Variants in CSPP1 observed in about 807,000 individuals in gnomAD.
The protein encoded by CSPP1 is centrosome and spindle pole associated protein 1, also known as centrosome and spindle pole-associated protein 1.
In CSPP1, 126 loss-of-function variants were observed where a neutral mutation model predicts 164.4. The ratio of observed to expected loss-of-function variants is 0.77; its 90% CI spans 0.66 to 0.89. The LOEUF (loss-of-function observed/expected upper bound fraction) is 0.89. CSPP1 is among the 40% of genes least tolerant of loss of function. The pLI is 0.00. For missense variants in CSPP1, 1,395 were observed against 1,449.8 expected (o/e 0.96, Z 0.61); for synonymous variants, 472 against 476.7 (o/e 0.99, Z 0.13).
intron 19 of CSPP1, chr8:67,157,844 G>C (rs557281159): frequency 1.3e-5 from 2 of 152,236 alleles, no homozygotes; most frequent in Non-Finnish European, 2.9e-5. Flanking sequence ...TAGCATTCAA[G>C]ATGAAACTTA....
chr8:67,082,330 G>A (rs1346624245), intron 3 of CSPP1, among the ~76,000 whole-genome samples: 1 of 152,062 alleles, frequency 6.6e-6, no homozygotes, highest in Non-Finnish European at 1.5e-5. Context: ...GATTACAGGC[G>A]TGACCCACAG....
At position 67,110,132 on chromosome 8, in the gene CSPP1, G is replaced by GA. The variant is rs1816542008; in HGVS notation, c.1094-1839dup. Among the ~76,000 whole-genome samples the GA allele has an allele frequency of 2.6e-5, 4 of 151,526 alleles. No individual in the cohort carries two copies. The South Asian group carries it at 8.3e-4, about 32-fold the overall frequency. On this transcript the variant is annotated intron_variant, in intron 9 of 30. Transcript: ENST00000678616. ...ACAAAGAACAAAGAGCTCTGTGCTAGATCCTGTTTGCTTATCTGTCCAGGT... is the reference window on the plus strand; with the variant it reads ...ACAAAGAACAAAGAGCTCTGTGCTAGAATCCTGTTTGCTTATCTGTCCAGGT...
At chr8:67,190,373 G>A (rs988708012) in intron 28 of CSPP1, among the ~76,000 whole-genome samples, 4 of 152,164 alleles carry the variant, frequency 2.6e-5, no homozygotes, top group Admixed American at 2.6e-4. Context: ...TAAATCTGTT[G>A]AAACAGAGCC....
chr8:67,172,745 T>C (rs192586693), intron 25 of CSPP1, 190 bp downstream of exon 25: 1 of 519,524 alleles, frequency 1.9e-6, no homozygotes, highest in African/African-American at 1.9e-5. Context: ...AAGCTTTAGT[T>C]TGACTAACTG....
At chr8:67,073,109 T>C (rs1013873414) in intron 1 of CSPP1, among the ~76,000 whole-genome samples, 1 of 152,084 alleles carries the variant, frequency 6.6e-6, no homozygotes, top group Non-Finnish European at 1.5e-5. Flanking sequence ...CAAGGATGTG[T>C]AGAAATTGCA....
chr8:67,133,509 T>C (rs1563643486), intron 16 of CSPP1: 2 of 152,378 alleles, frequency 1.3e-5, no homozygotes, highest in East Asian at 3.9e-4. Context: ...GTAAACTTAA[T>C]TTAAAAATAC....
intron 28 of CSPP1, among the ~76,000 whole-genome samples, chr8:67,180,738 T>C (rs1832802527): frequency 6.6e-6 from 1 of 152,196 alleles, no homozygotes; most frequent in South Asian, 2.1e-4. Flanking sequence ...TACTATTTCT[T>C]ATACCTGTGT....
chr8:67,122,890 G>GTGTGTT (rs1251787211), intron 15 of CSPP1, among the ~76,000 whole-genome samples: 1 of 151,754 alleles, frequency 6.6e-6, no homozygotes, highest in Non-Finnish European at 1.5e-5. Flanking sequence ...GTGTGTGTGT[G>GTGTGTT]TGTGTTTGTG....
intron 7 of CSPP1, among the ~76,000 whole-genome samples, chr8:67,097,784 A>C (rs542080838): frequency 6.0e-4 from 91 of 152,010 alleles, no homozygotes; most frequent in African/African-American, 2.0e-3. Flanking sequence ...GAGAACTCTC[A>C]TATCTTCTTA....
chr8:67,106,364 A>G (rs1815531579), intron 9 of CSPP1, among the ~76,000 whole-genome samples: 1 of 151,202 alleles, frequency 6.6e-6, no homozygotes, highest in South Asian at 2.1e-4. Flanking sequence ...TTTTATTAGC[A>G]CTCTGTTGCA....
chr8:67,107,629 G>A (rs1467584378), intron 9 of CSPP1, among the ~76,000 whole-genome samples: 4 of 152,082 alleles, frequency 2.6e-5, no homozygotes, highest in Non-Finnish European at 5.9e-5. Context: ...GGAAACTTAC[G>A]ATTTCCAGAG....
chr8:67,156,720 G>A (rs945396218), intron 19 of CSPP1, among the ~76,000 whole-genome samples: 5 of 152,310 alleles, frequency 3.3e-5, no homozygotes, highest in African/African-American at 1.2e-4. Flanking sequence ...GTCTGTACAA[G>A]TAAGTTCCAC....
At position 67,175,293 on chromosome 8, in the gene CSPP1, C is replaced by T. The variant is rs1470495151; in HGVS notation, c.2969-3C>T. 1 of 1,600,394 alleles carries T rather than the reference C, an allele frequency of 6.2e-7. No individual in the cohort carries two copies. The highest frequency in any genetic ancestry group is 2.2e-5 in the East Asian group (1 of 44,754). The stretch of plus-strand genomic sequence containing the variant: ...TAGTTATATAACATATTTTTTATAC[C>T]AGATTCAGAAACACGAGTTGATCTG... On this transcript the variant is annotated splice_polypyrimidine_tract_variant and splice_region_variant and intron_variant, in intron 25 of 30. Transcript: ENST00000678616.
At chr8:67,147,083 C>T (rs1387397528) in intron 17 of CSPP1, among the ~76,000 whole-genome samples, 4 of 152,138 alleles carry the variant, frequency 2.6e-5, no homozygotes, top group Admixed American at 2.0e-4. Context: ...AATTAATTTT[C>T]TCTTAATATA....
Position 67,086,106 on chromosome 8 carries a change from C to CG in CSPP1, c.299_300insG (p.Gln101SerfsTer9). The CG allele has an allele frequency of 7.6e-7, 1 of 1,323,484 alleles. No homozygotes were observed. The highest frequency in any genetic ancestry group is 1.1e-6 in the Non-Finnish European group (1 of 915,028). 82.0% of individuals were successfully genotyped at this position (1,323,484 alleles called of 1,614,324 possible). On this transcript the variant is annotated frameshift_variant, in exon 4 of 31. Transcript: ENST00000678616. LOFTEE classifies it high-confidence loss of function. ...CGGCAAGATTACAGACGTTATCTTA[C>CG]TCAGGTAATGAGTTCTATTAATGAG... is the stretch of plus-strand genomic sequence containing the variant.
At chr8:67,105,463 C>T (rs1815292383) in intron 8 of CSPP1, among the ~76,000 whole-genome samples, 1 of 152,150 alleles carries the variant, frequency 6.6e-6, no homozygotes. Context: ...TCATTGCAAC[C>T]TCTGCTTCCT....
At chr8:67,070,541 T>C (rs1315011300) in intron 1 of CSPP1, among the ~76,000 whole-genome samples, 2 of 150,678 alleles carry the variant, frequency 1.3e-5, no homozygotes, top group Non-Finnish European at 2.9e-5. Context: ...GTGGCCAACA[T>C]GGAGGATCAC....
intron 17 of CSPP1, among the ~76,000 whole-genome samples, chr8:67,139,611 A>G (rs1823068555): frequency 6.6e-6 from 1 of 152,250 alleles, no homozygotes; most frequent in African/African-American, 2.4e-5. Flanking sequence ...CAACAATGAT[A>G]GACTGGATTA....
intron 17 of CSPP1, among the ~76,000 whole-genome samples, chr8:67,148,961 G>T (rs1475620356): frequency 6.6e-6 from 1 of 152,136 alleles, no homozygotes; most frequent in Admixed American, 6.5e-5. Context: ...GGTTCTGAGG[G>T]TTAGAAATTT....
Sources: allele counts gnomAD v4.1 joint callset (sites outside exome capture counted in the v4.1 genomes callset), GRCh38; gene constraint gnomAD v4.1.1; transcripts MANE v1.5; gene names NCBI Gene and HGNC (gene_info 2026-07-23, HGNC 2026-07-21).